MAP3K20: variants seen among roughly 807,000 people sequenced by gnomAD.
MAP3K20 encodes the protein mitogen-activated protein kinase kinase kinase 20.
In MAP3K20, 40 loss-of-function variants were observed where a neutral mutation model predicts 85.7. That is an observed-to-expected ratio of 0.47 (90% confidence interval 0.36 to 0.61). MAP3K20 has a LOEUF of 0.61. MAP3K20 is among the 20% of genes least tolerant of loss of function. MAP3K20 has a pLI of 0.00. For missense variants in MAP3K20, 817 were observed against 961.7 expected, an observed-to-expected ratio of 0.85 and a Z score of 1.99; for synonymous variants, 325 against 327.7, an observed-to-expected ratio of 0.99 and a Z score of 0.09.
At chr2:173,244,496 T>A (rs761711946) in intron 16 of MAP3K20, among the ~76,000 whole-genome samples, 1 of 152,190 alleles carries the variant, frequency 6.6e-6, no homozygotes, top group African/African-American at 2.4e-5. Context: ...TCGTTGCTGA[T>A]TCAGAAAGAG....
intron 2 of MAP3K20, among the ~76,000 whole-genome samples, chr2:173,156,432 T>C (rs930525804): frequency 6.6e-6 from 1 of 152,048 alleles, no homozygotes; most frequent in Non-Finnish European, 1.5e-5. Flanking sequence ...GGCTGGGTAA[T>C]GAAAGGGTCT....
intron 2 of MAP3K20, among the ~76,000 whole-genome samples, chr2:173,127,318 C>T (rs571188101): frequency 6.6e-6 from 1 of 152,260 alleles, no homozygotes; most frequent in East Asian, 1.9e-4. Context: ...CTGCCCTTCT[C>T]TTAAGACTTA....
chr2:173,205,197 C>T lies in MAP3K20; in HGVS notation c.744+1327C>T, dbSNP rs1004593414. Among the ~76,000 whole-genome samples, 6 of 150,440 alleles carry T rather than the reference C, an allele frequency of 4.0e-5. No individual in the cohort carries two copies. In the East Asian group the frequency reaches 1.2e-3, roughly 29 times the overall value. Reference sequence around the variant, plus strand: ...AGAGCAGTTACACTCAAGAAAGGAACAAAAGTTTTATAGTTTAAATTTGTC... The same window carrying T: ...AGAGCAGTTACACTCAAGAAAGGAATAAAAGTTTTATAGTTTAAATTTGTC... On this transcript the variant is annotated intron_variant, in intron 9 of 19. Coordinates refer to ENST00000375213, the MANE Select transcript of MAP3K20 (RefSeq NM_016653.3).
chr2:173,112,806 A>AT (rs57170663), intron 2 of MAP3K20, among the ~76,000 whole-genome samples: 11,000 of 151,012 alleles, frequency 0.073, 1,559 homozygotes, highest in East Asian at 0.71. Flanking sequence ...ATGTTGTTGG[A>AT]TTTTTTTTTA....
chr2:173,123,831 AT>A (rs1012438724), intron 2 of MAP3K20, among the ~76,000 whole-genome samples: 2 of 151,926 alleles, frequency 1.3e-5, no homozygotes, highest in East Asian at 1.9e-4. Context: ...GAAATAAAAT[AT>A]TTTTTTAGAG....
At chr2:173,152,774 C>G (rs929688936) in intron 2 of MAP3K20, among the ~76,000 whole-genome samples, 1 of 152,114 alleles carries the variant, frequency 6.6e-6, no homozygotes, top group Admixed American at 6.5e-5. Flanking sequence ...TAGGTCAACT[C>G]TAGTAATTTG....
At chr2:173,089,775 G>A (rs1344263863) in intron 1 of MAP3K20, among the ~76,000 whole-genome samples, 1 of 152,070 alleles carries the variant, frequency 6.6e-6, no homozygotes, top group Non-Finnish European at 1.5e-5. Context: ...GTTTTGTCAT[G>A]TTGGCCAGGC....
intron 2 of MAP3K20, among the ~76,000 whole-genome samples, chr2:173,097,089 A>T (rs2106155536): frequency 6.6e-6 from 1 of 152,302 alleles, no homozygotes; most frequent in East Asian, 1.9e-4. Context: ...ACTTTTGAAA[A>T]CAATTAATTG....
intron 19 of MAP3K20, among the ~76,000 whole-genome samples, chr2:173,265,516 C>T (rs1476439709): frequency 6.6e-6 from 1 of 152,228 alleles, no homozygotes; most frequent in East Asian, 1.9e-4. Flanking sequence ...CTCTAGCTGT[C>T]TCAACCTTCG....
At chr2:173,166,936 G>A (rs1370543861) in intron 2 of MAP3K20, 5 of 117,726 alleles carry the variant, frequency 4.2e-5, no homozygotes, top group South Asian at 5.7e-4. Flanking sequence ...TTTTTGAGAC[G>A]GAGTCTCGCT....
chr2:173,203,287 C>G (rs768624114), intron 8 of MAP3K20, among the ~76,000 whole-genome samples: 3 of 152,044 alleles, frequency 2.0e-5, no homozygotes, highest in African/African-American at 7.2e-5. Context: ...AAAACAAAGC[C>G]GTAATCAGTC....
At chr2:173,143,248 GA>G in intron 2 of MAP3K20, among the ~76,000 whole-genome samples, 1 of 152,172 alleles carries the variant, frequency 6.6e-6, no homozygotes, top group South Asian at 2.1e-4. Flanking sequence ...AAGATAAAAT[GA>G]TTTAATAATG....
At chr2:173,079,481 A>G (rs1686954961) in intron 1 of MAP3K20, among the ~76,000 whole-genome samples, 1 of 152,140 alleles carries the variant, frequency 6.6e-6, no homozygotes, top group African/African-American at 2.4e-5. Flanking sequence ...TTCTTCAATA[A>G]TAAATTAACC....
intron 7 of MAP3K20, among the ~76,000 whole-genome samples, chr2:173,197,369 C>T (rs1353770194): frequency 3.9e-5 from 6 of 152,214 alleles, no homozygotes; most frequent in Non-Finnish European, 8.8e-5. Context: ...TTCACATAGT[C>T]AGCTTATATG....
intron 2 of MAP3K20, among the ~76,000 whole-genome samples, chr2:173,101,745 T>C (rs1307974791): frequency 6.6e-6 from 1 of 152,204 alleles, no homozygotes. Flanking sequence ...TCTTCAAAAA[T>C]AGAATTATCT....
chr2:173,195,451 G>A (rs1690799155), intron 7 of MAP3K20, among the ~76,000 whole-genome samples: 2 of 152,176 alleles, frequency 1.3e-5, no homozygotes, highest in Non-Finnish European at 1.5e-5. Flanking sequence ...TTCCTTGTGA[G>A]CACAGTTTAA....
chr2:173,115,609 C>G (rs1005673458), intron 2 of MAP3K20, among the ~76,000 whole-genome samples: 2 of 152,126 alleles, frequency 1.3e-5, no homozygotes, highest in African/African-American at 4.8e-5. Flanking sequence ...GAGGTGTTCT[C>G]TTGATGTAGT....
intron 2 of MAP3K20, among the ~76,000 whole-genome samples, chr2:173,145,471 A>G (rs1321641370): frequency 6.6e-6 from 1 of 152,242 alleles, no homozygotes; most frequent in East Asian, 1.9e-4. Flanking sequence ...GGATTAGAAT[A>G]GTCATCTCAC....
At chr2:173,217,838 G>T (rs912985550) in intron 11 of MAP3K20, among the ~76,000 whole-genome samples, 1 of 152,068 alleles carries the variant, frequency 6.6e-6, no homozygotes, top group Non-Finnish European at 1.5e-5. Flanking sequence ...GCAGTATCTT[G>T]TTTTCTCCCA....
Sources: allele counts gnomAD v4.1 joint callset (sites outside exome capture counted in the v4.1 genomes callset), GRCh38; gene constraint gnomAD v4.1.1; transcripts MANE v1.5; gene names NCBI Gene and HGNC (gene_info 2026-07-23, HGNC 2026-07-21).